The following ZNF180 variants were observed in gnomAD, a reference collection of about 807,000 sequenced individuals.
The protein encoded by ZNF180 is zinc finger protein 180 (HHZ168).
Under a neutral mutation model 11.8 loss-of-function variants are expected in ZNF180, and 11 were observed. The ratio of observed to expected loss-of-function variants is 0.93; its 90% confidence interval spans 0.59 to 1.55. The LOEUF is 1.55. Among genes scored for constraint, ZNF180 ranks in the 40% most tolerant of loss-of-function variants. ZNF180 has a pLI of 0.00. For synonymous variants in ZNF180, 287 were observed against 257.7 expected (o/e 1.11, Z -1.09); for missense variants, 773 against 781.7 (o/e 0.99, Z 0.13).
intron 2 of ZNF180, among the ~76,000 whole-genome samples, chr19:44,491,251 T>C (rs1407839446): frequency 6.6e-6 from 1 of 152,228 alleles, no homozygotes. Context: ...GAAACCTTTG[T>C]TGGGTGCCTT....
intron 4 of ZNF180, among the ~76,000 whole-genome samples, chr19:44,478,546 A>C (rs1374580356): frequency 1.3e-5 from 2 of 152,258 alleles, no homozygotes; most frequent in Admixed American, 1.3e-4. Context: ...CTACATATCC[A>C]GGAATTTCTG....
chr19:44,499,883 C>T (rs1036402035), intron 1 of ZNF180, among the ~76,000 whole-genome samples: 1 of 152,204 alleles, frequency 6.6e-6, no homozygotes, highest in African/African-American at 2.4e-5. Context: ...AGTGGCACAG[C>T]CCCTCCTCTC....
At chr19:44,480,003 T>C (rs1056721892) in intron 3 of ZNF180, among the ~76,000 whole-genome samples, 2 of 152,224 alleles carry the variant, frequency 1.3e-5, no homozygotes, top group South Asian at 4.1e-4. Context: ...TGAAAAGCAG[T>C]ATGTATAGGT....
chr19:44,496,672 CAAAAAAAAAAAAAAAA>C (rs55678572), intron 2 of ZNF180: 1 of 71,622 alleles, frequency 1.4e-5, no homozygotes, highest in Non-Finnish European at 2.4e-5. Flanking sequence ...GACTCTGTCT[CAAAAAAAAAAAAAAAA>C]AAAAAAAAAG....
At chr19:44,492,430 C>T (rs1459038979) in intron 2 of ZNF180, among the ~76,000 whole-genome samples, 1 of 152,196 alleles carries the variant, frequency 6.6e-6, no homozygotes, top group Non-Finnish European at 1.5e-5. Flanking sequence ...GAGCATTTCC[C>T]TTTTTCTTTG....
Position 44,475,704 on chromosome 19 carries a change from AAAGG to A in ZNF180, c.*694_*697del, listed in dbSNP as rs1311806694. On this transcript the variant is annotated 3_prime_UTR_variant, in exon 5 of 5. Transcript: ENST00000592529. ...CATAGCATAACAGCGTACATTCCAA[AAAGG>A]AAGGCCCAACATAAACTGAGAAATT... is the stretch of plus-strand genomic sequence containing the variant. The A allele has an allele frequency of 3.9e-5, 6 of 152,242 alleles. No individual in the cohort carries two copies. The highest frequency in any genetic ancestry group is 7.3e-5 in the Non-Finnish European group (5 of 68,048). 9.4% of individuals were successfully genotyped at this position (152,242 alleles called of 1,614,324 possible).
chr19:44,482,545 C>T (rs1970110735), intron 3 of ZNF180, among the ~76,000 whole-genome samples: 1 of 152,100 alleles, frequency 6.6e-6, no homozygotes, highest in African/African-American at 2.4e-5. Flanking sequence ...GGAGCTCTGT[C>T]CTACCCACCT....
chr19:44,481,577 T>G (rs1970080984), intron 3 of ZNF180, among the ~76,000 whole-genome samples: 1 of 152,178 alleles, frequency 6.6e-6, no homozygotes, highest in East Asian at 1.9e-4. Flanking sequence ...CTATATATTC[T>G]CAAAGTTCCA....
At chr19:44,493,726 T>C (rs1208652162) in intron 2 of ZNF180, among the ~76,000 whole-genome samples, 3 of 130,734 alleles carry the variant, frequency 2.3e-5, no homozygotes, top group African/African-American at 5.9e-5. Context: ...TTCATCTTGA[T>C]TGTGTGCAAC....
Position 44,488,084 on chromosome 19 carries a change from C to CTTT in ZNF180, c.52-3650_52-3649insAAA, listed in dbSNP as rs1555735712. Among the ~76,000 whole-genome samples the CTTT allele has an allele frequency of 1.7e-3, 92 of 55,680 alleles. 12 individuals carry two copies. The highest frequency in any genetic ancestry group is 5.3e-3 in the South Asian group (6 of 1,136). 36.5% of individuals were successfully genotyped at this position (55,680 alleles called of 152,430 possible). A position where few individuals can be genotyped will look rare whatever the true frequency, so the allele number is the denominator to read the frequency against. On this transcript the variant is annotated intron_variant, in intron 2 of 4. Coordinates refer to ENST00000592529, the MANE Select transcript of ZNF180 (RefSeq NM_001278509.3). Reference sequence around the variant, plus strand: ...GCCCTTGCCCTCTCCCTCTCCCTCTCCCCACGGTCTCCCTCTCCCTCTCTT... The same window carrying CTTT: ...GCCCTTGCCCTCTCCCTCTCCCTCTCTTTCCCACGGTCTCCCTCTCCCTCTCTT...
chr19:44,477,461 A>G lies in ZNF180; in HGVS notation c.939T>C (p.Leu313=). Residue 313 remains leucine, a synonymous_variant, in exon 5 of 5, where the codon CTT becomes CTC. Transcript: ENST00000592529. ...CAGAATTATTTCTCATGTTTTGAGTAAGGGAGGAACTATGAGAGGTTTCAC... is the reference window on the plus strand; with the variant it reads ...CAGAATTATTTCTCATGTTTTGAGTGAGGGAGGAACTATGAGAGGTTTCAC... ...KCSETSHSSS[L]TQNMRNNSEE... 3 of 1,614,110 alleles carry G rather than the reference A, an allele frequency of 1.9e-6. No homozygotes were observed. The highest frequency in any genetic ancestry group is 2.5e-6 in the Non-Finnish European group (3 of 1,179,966).
At position 44,477,710 on chromosome 19, in the gene ZNF180, GCT is replaced by G. The variant is rs1475401605; in HGVS notation, c.688_689del (p.Ser230HisfsTer14). ...TTCTTGTAAACTGAATAAGGTGAAT[GCT>G]CTGAGGGGGTTTTCCACATTCATTA... ...ENNECGKPPQ[S>X]IHLIQFTRTQ... On this transcript the variant is annotated frameshift_variant, in exon 5 of 5. Coordinates refer to ENST00000592529, the MANE Select transcript of ZNF180 (RefSeq NM_001278509.3). LOFTEE classifies it low-confidence loss of function (END_TRUNC). 2 of 1,614,078 alleles carry G rather than the reference GCT, an allele frequency of 1.2e-6. No homozygotes were observed. Among genetic ancestry groups the G allele is most frequent in the Admixed American group, 3.3e-5 (2 of 60,028 alleles).
intron 4 of ZNF180, 125 bp from the exon 5 acceptor site, chr19:44,478,271 G>A: frequency 2.0e-6 from 2 of 1,003,536 alleles, no homozygotes; most frequent in Non-Finnish European, 2.8e-6. Flanking sequence ...CGATAACCTA[G>A]GTTGAAAAAG....
At chr19:44,486,167 T>G (rs1970223192) in intron 2 of ZNF180, among the ~76,000 whole-genome samples, 1 of 151,594 alleles carries the variant, frequency 6.6e-6, no homozygotes, top group East Asian at 1.9e-4. Context: ...AATAGAAAGA[T>G]GTCTATAATA....
intron 1 of ZNF180, 87 bp from the exon 2 acceptor site, chr19:44,497,464 T>C: frequency 7.6e-7 from 1 of 1,323,612 alleles, no homozygotes; most frequent in Non-Finnish European, 1.0e-6. Context: ...GCTCCCAGGA[T>C]GCAGGATGCA....
In ZNF180 at chr19:44,477,664, A is replaced by G. The variant is rs780163330; in HGVS notation, c.736T>C (p.Tyr246His). 1.2e-6 allele frequency: 2 copies of G among 1,613,942 alleles called. No individual in the cohort carries two copies. Among genetic ancestry groups the G allele is most frequent in the Non-Finnish European group, 1.7e-6 (2 of 1,179,880 alleles). The change falls in exon 5 of 5, where the codon TAT becomes CAT. Residue 246 changes from tyrosine (Y) to histidine (H), a missense_variant. Coordinates refer to ENST00000592529, the MANE Select transcript of ZNF180 (RefSeq NM_001278509.3). Reference sequence around the variant, plus strand: ...GATTGAATACGGTCACTAAATCCATAGGATTTATCTTTTGTTTGAGTTCTT... The same window carrying G: ...GATTGAATACGGTCACTAAATCCATGGGATTTATCTTTTGTTTGAGTTCTT... ...FTRTQTKDKS[Y>H]GFSDRIQSFC... is the part of the protein sequence containing the mutation.
At chr19:44,488,720 T>C (rs7253511) in intron 2 of ZNF180, among the ~76,000 whole-genome samples, 110,694 of 150,742 alleles carry the variant, frequency 0.73, 41,344 homozygotes, top group East Asian at 1. Context: ...TCTGCCTGGC[T>C]GCCCATTGTC....
rs762534755 is a variant in ZNF180 at position 44,477,962 on chromosome 19, C to T, written c.438G>A (p.Leu146=). The T allele has an allele frequency of 2.5e-6, 4 of 1,614,046 alleles. No individual in the cohort carries two copies. The highest frequency in any genetic ancestry group is 3.4e-6 in the Non-Finnish European group (4 of 1,179,988). The change falls in exon 5 of 5, where the codon TTG becomes TTA. Residue 146 remains leucine, a synonymous_variant. Coordinates refer to ENST00000592529, the MANE Select transcript of ZNF180 (RefSeq NM_001278509.3). ...EKQQEKQEIL[L]QEVAFTQRKA... is the part of the protein sequence containing the mutation. ...TCCTTTGAGTGAATGCCACTTCCTG[C>T]AAAAGTATCTCTTGTTTTTCCTGTT...
chr19:44,484,464 G>C, intron 2 of ZNF180, 29 bp from the exon 3 acceptor site: 2 of 1,561,386 alleles, frequency 1.3e-6, no homozygotes, highest in South Asian at 1.1e-5. Context: ...TGAGAAAAAG[G>C]AAAATAATCA....
Sources: allele counts gnomAD v4.1 joint callset (sites outside exome capture counted in the v4.1 genomes callset), GRCh38; gene constraint gnomAD v4.1.1; transcripts MANE v1.5; gene names NCBI Gene and HGNC (gene_info 2026-07-23, HGNC 2026-07-21).